Variants in ASTN2 observed in about 807,000 individuals in gnomAD.
ASTN2 encodes the protein astrotactin 2.
Under a neutral mutation model 139.8 loss-of-function variants are expected in ASTN2, and 54 were observed. That is an observed-to-expected ratio of 0.39 (90% CI 0.31 to 0.48). The LOEUF (loss-of-function observed/expected upper bound fraction) is 0.48. ASTN2 is among the 20% of genes least tolerant of loss of function. The pLI is 0.95. For missense variants in ASTN2, 1,565 were observed against 1,725.1 expected, an observed-to-expected ratio of 0.91 and a Z score of 1.64; for synonymous variants, 756 against 719.5, an observed-to-expected ratio of 1.05 and a Z score of -0.81.
intron 16 of ASTN2, among the ~76,000 whole-genome samples, chr9:116,719,151 G>A (rs776508004): frequency 2.0e-5 from 3 of 151,530 alleles, no homozygotes; most frequent in Non-Finnish European, 2.9e-5. Flanking sequence ...CTGGAATCCA[G>A]ACAAGCTATG....
chr9:116,950,482 G>A (rs527248134), intron 10 of ASTN2, among the ~76,000 whole-genome samples: 9 of 152,132 alleles, frequency 5.9e-5, no homozygotes, highest in African/African-American at 2.2e-4. Context: ...AAGATTAAGA[G>A]GATTATTGTT....
At chr9:116,612,345 T>C (rs1386208093) in intron 19 of ASTN2, 1 of 152,146 alleles carries the variant, frequency 6.6e-6, no homozygotes, top group African/African-American at 2.4e-5. Flanking sequence ...TATCCAGGAA[T>C]TGAACTCAGC....
chr9:116,967,247 G>T (rs952430604), intron 10 of ASTN2, among the ~76,000 whole-genome samples: 1 of 152,192 alleles, frequency 6.6e-6, no homozygotes, highest in South Asian at 2.1e-4. Context: ...TAGAGTGTTA[G>T]TTATCATTCA....
rs147706019 is a variant in ASTN2, at chr9:116,573,505, A to G, written c.3355+44819T>C. 2.5e-3 allele frequency among the ~76,000 whole-genome samples: 381 copies of G among 152,336 alleles called. 2 individuals are homozygous for G. The Middle Eastern group carries it at 0.044, about 18-fold the overall frequency. On this transcript the variant is annotated intron_variant, in intron 19 of 22. Coordinates refer to ENST00000313400, the MANE Select transcript of ASTN2 (RefSeq NM_001365068.1). ...TCAGCATTTCACAAAAGATATGAAT[A>G]ATGGATTTTTTTTCCAGAATGTTAT...
At chr9:116,501,924 C>A (rs1849869668) in intron 19 of ASTN2, among the ~76,000 whole-genome samples, 1 of 151,756 alleles carries the variant, frequency 6.6e-6, no homozygotes, top group African/African-American at 2.4e-5. Flanking sequence ...AAACTCAGTT[C>A]TCCTCCATAC....
chr9:117,300,406 AT>A lies in ASTN2; in HGVS notation c.443-8894del, dbSNP rs531977580. On this transcript the variant is annotated intron_variant, in intron 1 of 22. Transcript: ENST00000313400. The stretch of plus-strand genomic sequence containing the variant: ...AGCATGCTGCAGGTGTGCAATAAAT[AT>A]TTGTCAAATCAATGTATCACTAAAT... Among the ~76,000 whole-genome samples, 3 of 152,350 alleles carry A rather than the reference AT, an allele frequency of 2.0e-5. No individual in the cohort carries two copies. In the South Asian group the frequency reaches 6.2e-4, roughly 32 times the overall value.
intron 19 of ASTN2, among the ~76,000 whole-genome samples, chr9:116,548,469 T>C (rs1485740520): frequency 6.6e-6 from 1 of 151,928 alleles, no homozygotes; most frequent in Non-Finnish European, 1.5e-5. Context: ...GAGGGTTTTG[T>C]TGTTGTTGTT....
At chr9:116,462,997 T>C (rs572834006) in intron 20 of ASTN2, among the ~76,000 whole-genome samples, 2 of 152,250 alleles carry the variant, frequency 1.3e-5, no homozygotes, top group Admixed American at 6.5e-5. Flanking sequence ...CTCCCCATCA[T>C]GGTGAATGGC....
In ASTN2 at chr9:116,976,748, A is replaced by G; in HGVS notation, c.1629T>C (p.Pro543=). The G allele has an allele frequency of 6.2e-7, 1 of 1,614,138 alleles. No homozygotes were observed. Among genetic ancestry groups the G allele is most frequent in the Non-Finnish European group, 8.5e-7 (1 of 1,180,002 alleles). The change falls in exon 8 of 23, where the codon CCT becomes CCC. Residue 543 remains proline, a synonymous_variant. Coordinates refer to ENST00000313400, the MANE Select transcript of ASTN2 (RefSeq NM_001365068.1). The stretch of plus-strand genomic sequence containing the variant: ...TGCGCACACACAGGTGTCTGTGAAC[A>G]GGGTCAGGGGCATAGCCTTCATGAC... The part of the protein sequence containing the change: ...CSCHEGYAPD[P]VHRHLCVRSD...
intron 7 of ASTN2, among the ~76,000 whole-genome samples, chr9:117,003,941 C>CGT (rs1837271143): frequency 4.8e-5 from 6 of 125,332 alleles, no homozygotes; most frequent in Admixed American, 1.8e-4. Flanking sequence ...GTTTCTTTCA[C>CGT]GCGCGCGCGC....
At chr9:117,341,305 C>G (rs1358864803) in intron 1 of ASTN2, among the ~76,000 whole-genome samples, 1 of 151,834 alleles carries the variant, frequency 6.6e-6, no homozygotes. Context: ...GTACTTTATT[C>G]ACTGAGATAG....
chr9:116,459,304 A>T (rs1252041420), intron 20 of ASTN2, among the ~76,000 whole-genome samples: 2 of 152,168 alleles, frequency 1.3e-5, no homozygotes, highest in East Asian at 3.9e-4. Context: ...AAACTATAAA[A>T]CTGTAAGAAG....
intron 1 of ASTN2, among the ~76,000 whole-genome samples, chr9:117,406,487 C>G (rs1830992903): frequency 6.6e-6 from 1 of 152,140 alleles, no homozygotes; most frequent in Admixed American, 6.5e-5. Flanking sequence ...TGCCACCCCC[C>G]TCCTCCACCA....
chr9:117,065,980 T>C (rs1003829486), intron 5 of ASTN2, among the ~76,000 whole-genome samples: 1 of 151,898 alleles, frequency 6.6e-6, no homozygotes, highest in East Asian at 1.9e-4. Context: ...ATATGGTCAA[T>C]TACTCCTCTC....
At chr9:116,815,804 C>CAAAAAAAAA (rs55954354) in intron 12 of ASTN2, among the ~76,000 whole-genome samples, 1,629 of 24,046 alleles carry the variant, frequency 0.068, 494 homozygotes, top group East Asian at 0.3. Flanking sequence ...GACTCCGTCT[C>CAAAAAAAAA]AAAAAAAAAA....
chr9:117,155,929 A>G (rs1436432599), intron 3 of ASTN2, among the ~76,000 whole-genome samples: 1 of 152,034 alleles, frequency 6.6e-6, no homozygotes, highest in Non-Finnish European at 1.5e-5. Flanking sequence ...TTTACTCTTC[A>G]TTGCTCAGAC....
At chr9:117,301,329 T>C (rs1330351649) in intron 1 of ASTN2, among the ~76,000 whole-genome samples, 1 of 152,208 alleles carries the variant, frequency 6.6e-6, no homozygotes, top group Non-Finnish European at 1.5e-5. Flanking sequence ...TCCCACAACA[T>C]TGCAAACTGA....
At chr9:116,768,713 G>A (rs1262003608) in intron 13 of ASTN2, among the ~76,000 whole-genome samples, 1 of 152,136 alleles carries the variant, frequency 6.6e-6, no homozygotes, top group Non-Finnish European at 1.5e-5. Flanking sequence ...ACCATTTGAG[G>A]ATACAGCAAG....
At chr9:116,736,543 C>T (rs1828931573) in intron 13 of ASTN2, among the ~76,000 whole-genome samples, 1 of 152,116 alleles carries the variant, frequency 6.6e-6, no homozygotes, top group Non-Finnish European at 1.5e-5. Flanking sequence ...AGGATGCAGC[C>T]AAGAGGAGGA....
Sources: gnomAD v4.1 joint callset for allele counts (sites outside exome capture counted in the v4.1 genomes callset) on GRCh38, gnomAD v4.1.1 for gene constraint, MANE v1.5 for transcripts, NCBI Gene and HGNC (gene_info 2026-07-23, HGNC 2026-07-21) for gene names.